The following CLHC1 variants were observed in gnomAD, a reference collection of about 807,000 sequenced individuals.
The protein encoded by CLHC1 is clathrin heavy chain linker domain-containing protein 1.
In CLHC1, 72 loss-of-function variants were observed where a neutral mutation model predicts 69.5. That is an observed-to-expected ratio of 1.04 (90% CI 0.86 to 1.26). The LOEUF is 1.26. CLHC1 is among the 50% of genes most tolerant of loss of function. CLHC1 has a pLI of 0.00. For synonymous variants in CLHC1, 223 were observed against 224.3 expected (o/e 0.99, Z 0.05); for missense variants, 790 against 679.3 (o/e 1.16, Z -1.81).
chr2:55,219,921 A>G (rs993902466), intron 3 of CLHC1, among the ~76,000 whole-genome samples: 1 of 152,146 alleles, frequency 6.6e-6, no homozygotes, highest in African/African-American at 2.4e-5. Flanking sequence ...TTTTTGGTAG[A>G]GACAGAGTGT....
At chr2:55,182,020 A>G (rs181068093) in intron 9 of CLHC1, among the ~76,000 whole-genome samples, 8 of 152,242 alleles carry the variant, frequency 5.3e-5, no homozygotes, top group African/African-American at 1.7e-4. Context: ...GGAGAGAGGC[A>G]TGGAATGGAA....
At chr2:55,179,772 A>G (rs915908555) in intron 11 of CLHC1, among the ~76,000 whole-genome samples, 2 of 152,186 alleles carry the variant, frequency 1.3e-5, no homozygotes, top group African/African-American at 4.8e-5. Flanking sequence ...GTTCAATTGT[A>G]ATCTCAGATT....
At chr2:55,184,421 A>C (rs1294495810) in intron 9 of CLHC1, among the ~76,000 whole-genome samples, 2 of 152,062 alleles carry the variant, frequency 1.3e-5, no homozygotes, top group African/African-American at 4.8e-5. Flanking sequence ...CCTGTTTTTC[A>C]AGTAATAAAA....
rs559253505 is a variant in CLHC1 at position 55,186,131 on chromosome 2, C to T, written c.1007-4387G>A. 2.0e-5 allele frequency among the ~76,000 whole-genome samples: 3 copies of T among 152,208 alleles called. No individual in the cohort carries two copies. The East Asian group carries it at 5.8e-4, about 29-fold the overall frequency. On this transcript the variant is annotated intron_variant, in intron 9 of 12. Transcript: ENST00000401408. Reference sequence around the variant, plus strand: ...GATAAAATAAAACAACCTACATCCACAGGGGAATGAAGTCTGAATTTCAGT... The same window carrying T: ...GATAAAATAAAACAACCTACATCCATAGGGGAATGAAGTCTGAATTTCAGT...
At chr2:55,210,564 T>C (rs1672893849) in intron 5 of CLHC1, among the ~76,000 whole-genome samples, 1 of 152,030 alleles carries the variant, frequency 6.6e-6, no homozygotes, top group Non-Finnish European at 1.5e-5. Context: ...AACCTTAGCA[T>C]CTGAAAAAAA....
At chr2:55,210,958 T>C (rs140440135) in intron 5 of CLHC1, among the ~76,000 whole-genome samples, 1 of 152,074 alleles carries the variant, frequency 6.6e-6, no homozygotes, top group African/African-American at 2.4e-5. Context: ...CATTCCAAAG[T>C]GCTAGTATTA....
chr2:55,178,082 T>C (rs1475979570), intron 11 of CLHC1, among the ~76,000 whole-genome samples: 1 of 152,204 alleles, frequency 6.6e-6, no homozygotes, highest in Admixed American at 6.5e-5. Context: ...CTAGGAAACC[T>C]GAATTCTAAT....
intron 1 of CLHC1, among the ~76,000 whole-genome samples, chr2:55,229,268 G>C (rs1185047576): frequency 6.6e-6 from 1 of 151,962 alleles, no homozygotes; most frequent in African/African-American, 2.4e-5. Context: ...TAGAGAGTAA[G>C]GAAGGTGGGA....
chr2:55,213,433 C>G (rs1009575132), intron 4 of CLHC1, among the ~76,000 whole-genome samples: 2 of 152,198 alleles, frequency 1.3e-5, no homozygotes, highest in Admixed American at 1.3e-4. Flanking sequence ...ACTTTTATAA[C>G]CTCCCTATCT....
chr2:55,204,364 C>G (rs751276681), intron 9 of CLHC1, among the ~76,000 whole-genome samples: 5 of 152,212 alleles, frequency 3.3e-5, no homozygotes, highest in Non-Finnish European at 5.9e-5. Context: ...TGAAAATGTG[C>G]TCCACATCAT....
chr2:55,205,659 C>G (rs1240195179), intron 9 of CLHC1: 2 of 152,328 alleles, frequency 1.3e-5, no homozygotes, highest in East Asian at 3.9e-4. Context: ...TTTGGGAGGC[C>G]AAAGCAGGTG....
At chr2:55,179,650 G>C (rs998352255) in intron 11 of CLHC1, among the ~76,000 whole-genome samples, 2 of 151,988 alleles carry the variant, frequency 1.3e-5, no homozygotes, top group African/African-American at 4.8e-5. Flanking sequence ...CTGGGGGATG[G>C]GGAGATGTCA....
chr2:55,177,263 T>C (rs773815637), intron 12 of CLHC1, among the ~76,000 whole-genome samples: 1 of 152,214 alleles, frequency 6.6e-6, no homozygotes, highest in Non-Finnish European at 1.5e-5. Context: ...AATTAAAACA[T>C]ATAGTTTATA....
At chr2:55,206,876 G>C (rs1672496533) in intron 8 of CLHC1, 3 of 153,810 alleles carry the variant, frequency 2.0e-5, no homozygotes, top group Admixed American at 1.3e-4. Context: ...GGAGACCGAG[G>C]ATGGGGGATC....
rs1422602671 is a variant in CLHC1, at chr2:55,174,176, T to C, written c.*1614A>G. On this transcript the variant is annotated 3_prime_UTR_variant, in exon 13 of 13. Transcript: ENST00000401408. ...ATTATTTTGATAAGGCTTTTAGTAATAAATTGCTTTTTAAACTATGCACAT... is the reference window on the plus strand; with the variant it reads ...ATTATTTTGATAAGGCTTTTAGTAACAAATTGCTTTTTAAACTATGCACAT... Among the ~76,000 whole-genome samples, 1 of 152,218 alleles carries C rather than the reference T, an allele frequency of 6.6e-6. No individual in the cohort carries two copies. The highest frequency in any genetic ancestry group is 1.9e-4 in the East Asian group (1 of 5,204).
intron 3 of CLHC1, among the ~76,000 whole-genome samples, chr2:55,221,865 T>C (rs1186175350): frequency 6.6e-6 from 1 of 152,150 alleles, no homozygotes; most frequent in Non-Finnish European, 1.5e-5. Context: ...TAGTCCCAGC[T>C]ATACAGGAGG....
At chr2:55,177,461 T>C (rs1289852706) in intron 12 of CLHC1, 141 bp downstream of exon 12, 1 of 483,136 alleles carries the variant, frequency 2.1e-6, no homozygotes, top group Admixed American at 3.7e-5. Context: ...CATGGCAATC[T>C]TTACATTTAT....
chr2:55,195,719 T>C (rs993191388), intron 9 of CLHC1, among the ~76,000 whole-genome samples: 2 of 152,138 alleles, frequency 1.3e-5, no homozygotes, highest in African/African-American at 4.8e-5. Context: ...GGAGAATCAC[T>C]TGAACCCAGG....
intron 9 of CLHC1, among the ~76,000 whole-genome samples, chr2:55,186,890 T>C (rs1463017040): frequency 3.3e-5 from 5 of 152,024 alleles, no homozygotes; most frequent in Non-Finnish European, 1.5e-5. Context: ...AAACAAAAGA[T>C]ATGATCATTG....
Sources: gnomAD v4.1 joint callset for allele counts (sites outside exome capture counted in the v4.1 genomes callset) on GRCh38, gnomAD v4.1.1 for gene constraint, MANE v1.5 for transcripts, NCBI Gene and HGNC (gene_info 2026-07-23, HGNC 2026-07-21) for gene names.